Variants in FSD1L observed in about 807,000 individuals in gnomAD.
The protein encoded by FSD1L is fibronectin type III and SPRY domain containing 1 like.
A neutral mutation model predicts 71.6 loss-of-function variants in FSD1L; 45 were observed. The observed-to-expected ratio is 0.63, with a 90% CI of 0.49 to 0.81. The LOEUF is 0.81. Ranked by LOEUF, FSD1L falls within the 30% of genes least tolerant of loss-of-function variation. The pLI, the probability that FSD1L is intolerant of heterozygous loss-of-function variation, is 0.00. For missense variants in FSD1L, 561 were observed against 618.1 expected (o/e 0.91, Z 0.98); for synonymous variants, 197 against 207.2 (o/e 0.95, Z 0.42).
chr9:105,470,054 G>C (rs1431351571), intron 4 of FSD1L, among the ~76,000 whole-genome samples: 1 of 152,108 alleles, frequency 6.6e-6, no homozygotes, highest in East Asian at 1.9e-4. Flanking sequence ...ACCTATGTCA[G>C]AGATCATTCG....
intron 11 of FSD1L, 28 bp from the exon 12 acceptor site, chr9:105,535,039 T>A: frequency 1.9e-6 from 3 of 1,550,720 alleles, no homozygotes; most frequent in Non-Finnish European, 2.6e-6. Context: ...AAGAGATGAG[T>A]CAAATCTACC....
intron 10 of FSD1L, among the ~76,000 whole-genome samples, chr9:105,514,423 T>C (rs10820813): frequency 0.72 from 109,843 of 152,088 alleles, 40,614 homozygotes; most frequent in African/African-American, 0.89. Context: ...AATATTTGTT[T>C]GCTGTAGGAT....
At chr9:105,502,422 G>T (rs183077796) in intron 7 of FSD1L, among the ~76,000 whole-genome samples, 2 of 152,224 alleles carry the variant, frequency 1.3e-5, no homozygotes, top group Admixed American at 1.3e-4. Flanking sequence ...CATACTTGGA[G>T]AATTTACGTG....
At chr9:105,451,707 T>C (rs1830016288) in intron 1 of FSD1L, among the ~76,000 whole-genome samples, 1 of 152,184 alleles carries the variant, frequency 6.6e-6, no homozygotes, top group Admixed American at 6.5e-5. Flanking sequence ...ACTCAAACCT[T>C]TTGATTATGC....
At chr9:105,501,293 A>G (rs1386013401) in intron 7 of FSD1L, among the ~76,000 whole-genome samples, 3 of 152,042 alleles carry the variant, frequency 2.0e-5, no homozygotes, top group Non-Finnish European at 2.9e-5. Flanking sequence ...ATAGCAGTCT[A>G]TGATAGTATA....
chr9:105,521,773 C>T (rs1835177754), intron 10 of FSD1L: 7 of 1,612,912 alleles, frequency 4.3e-6, no homozygotes, highest in Non-Finnish European at 5.9e-6. Flanking sequence ...TACCAAGGTG[C>T]TCTTCATAAC....
In FSD1L at chr9:105,480,231, G is replaced by C. The variant is rs182372237; in HGVS notation, c.464+855G>C. Among the ~76,000 whole-genome samples, 3 of 151,652 alleles carry C rather than the reference G, an allele frequency of 2.0e-5. No individual in the cohort carries two copies. The East Asian group carries it at 5.8e-4, about 29-fold the overall frequency. ...ATAATTCACAAAAATTTTCATTATA[G>C]ATTATGTGAAAAACAGTGCCTCTAT... is the stretch of plus-strand genomic sequence containing the variant. On this transcript the variant is annotated intron_variant, in intron 6 of 13. Coordinates refer to ENST00000481272, the MANE Select transcript of FSD1L (RefSeq NM_001145313.3).
chr9:105,462,662 A>G (rs1272886327), intron 2 of FSD1L, among the ~76,000 whole-genome samples: 5 of 148,802 alleles, frequency 3.4e-5, no homozygotes, highest in Non-Finnish European at 7.4e-5. Context: ...AGCTGGGATT[A>G]CAGGTGCATG....
At chr9:105,476,381 A>G (rs1466023295) in intron 5 of FSD1L, among the ~76,000 whole-genome samples, 1 of 152,150 alleles carries the variant, frequency 6.6e-6, no homozygotes, top group South Asian at 2.1e-4. Flanking sequence ...TAGAAGTGTC[A>G]CCTGAGACCA....
At chr9:105,489,082 A>G (rs1832746230) in intron 7 of FSD1L, among the ~76,000 whole-genome samples, 1 of 152,150 alleles carries the variant, frequency 6.6e-6, no homozygotes, top group South Asian at 2.1e-4. Flanking sequence ...TGACTATATC[A>G]GCTGACTATT....
intron 13 of FSD1L, among the ~76,000 whole-genome samples, chr9:105,540,189 T>C (rs1836521931): frequency 2.0e-5 from 3 of 152,184 alleles, no homozygotes; most frequent in African/African-American, 7.2e-5. Context: ...GTGGATGATA[T>C]ATTACATTTT....
At chr9:105,470,800 T>C (rs1262374022) in intron 4 of FSD1L, among the ~76,000 whole-genome samples, 1 of 152,166 alleles carries the variant, frequency 6.6e-6, no homozygotes, top group Non-Finnish European at 1.5e-5. Flanking sequence ...AATTCGTTTA[T>C]TCATAAAGTT....
At chr9:105,477,816 G>T (rs561471135) in intron 5 of FSD1L, among the ~76,000 whole-genome samples, 209 of 152,220 alleles carry the variant, frequency 1.4e-3, no homozygotes, top group Non-Finnish European at 2.6e-3. Context: ...GTTTGTTTGT[G>T]TAGCACGTGG....
At chr9:105,527,421 AGT>A in intron 10 of FSD1L, among the ~76,000 whole-genome samples, 1 of 152,316 alleles carries the variant, frequency 6.6e-6, no homozygotes, top group East Asian at 1.9e-4. Context: ...CAGGAGTCTA[AGT>A]TAAATCTAAT....
At chr9:105,512,753 G>C (rs1834469211) in intron 9 of FSD1L, 54 bp from the exon 10 acceptor site, 16 of 1,028,780 alleles carry the variant, frequency 1.6e-5, no homozygotes, top group Non-Finnish European at 2.2e-5. Flanking sequence ...CTGTGTTTCA[G>C]AAAGTGGAGA....
intron 3 of FSD1L, among the ~76,000 whole-genome samples, chr9:105,466,106 C>T (rs568520008): frequency 2.4e-3 from 365 of 151,998 alleles, no homozygotes; most frequent in Non-Finnish European, 3.6e-3. Context: ...ACATGAAAAA[C>T]GAACTATTTC....
chr9:105,446,105 C>CAAAAAAA (rs146571180), upstream of FSD1L, among the ~76,000 whole-genome samples: 1 of 149,684 alleles, frequency 6.7e-6, no homozygotes, highest in African/African-American at 2.5e-5. Context: ...ATTCAGCCCT[C>CAAAAAAA]AAAAAAAAAA....
chr9:105,528,996 G>T (rs1248816489), intron 10 of FSD1L, among the ~76,000 whole-genome samples: 2 of 150,360 alleles, frequency 1.3e-5, no homozygotes, highest in Admixed American at 1.3e-4. Flanking sequence ...TCAAACATAT[G>T]CTAACAAAGA....
chr9:105,544,379 C>G (rs1347305663), intron 13 of FSD1L, among the ~76,000 whole-genome samples: 1 of 152,158 alleles, frequency 6.6e-6, no homozygotes, highest in Non-Finnish European at 1.5e-5. Context: ...TGTAGGTTGC[C>G]TGTTCACTCT....
Sources: gnomAD v4.1 joint callset for allele counts (sites outside exome capture counted in the v4.1 genomes callset) on GRCh38, gnomAD v4.1.1 for gene constraint, MANE v1.5 for transcripts, NCBI Gene and HGNC (gene_info 2026-07-23, HGNC 2026-07-21) for gene names.